TCF7L2: variants seen among roughly 807,000 people sequenced by gnomAD.
The protein encoded by TCF7L2 is transcription factor 7 like 2.
Under a neutral mutation model 77.9 loss-of-function variants are expected in TCF7L2, and 23 were observed. The ratio of observed to expected loss-of-function variants is 0.30; its 90% CI spans 0.21 to 0.42. The LOEUF is 0.42. Among genes scored for constraint, TCF7L2 ranks in the 10% least tolerant of loss-of-function variants. The probability of loss-of-function intolerance (pLI) is 1.00; values close to 1 mark genes in which losing one functional copy is unlikely to be tolerated. For missense variants in TCF7L2, 654 were observed against 793.1 expected, an observed-to-expected ratio of 0.82 and a Z score of 2.11; for synonymous variants, 413 against 340.2, an observed-to-expected ratio of 1.21 and a Z score of -2.36.
chr10:113,148,838 G>A (rs533456198), intron 8 of TCF7L2, among the ~76,000 whole-genome samples: 8 of 152,236 alleles, frequency 5.3e-5, no homozygotes, highest in East Asian at 1.9e-4. Context: ...GGGAATATAC[G>A]CGTAGGTATG....
intron 4 of TCF7L2, among the ~76,000 whole-genome samples, chr10:113,023,858 T>TG (rs1418790100): frequency 7.2e-5 from 11 of 151,894 alleles, no homozygotes; most frequent in African/African-American, 2.7e-4. Flanking sequence ...TTAGTAGAGA[T>TG]GGGGTTTCAC....
At chr10:112,985,974 C>T (rs2041450700) in intron 4 of TCF7L2, among the ~76,000 whole-genome samples, 1 of 152,016 alleles carries the variant, frequency 6.6e-6, no homozygotes, top group African/African-American at 2.4e-5. Context: ...AAATCAAAGT[C>T]ACCCAGAAGC....
chr10:113,029,820 C>T (rs183912920), intron 4 of TCF7L2, among the ~76,000 whole-genome samples: 18 of 152,198 alleles, frequency 1.2e-4, no homozygotes, highest in African/African-American at 2.2e-4. Flanking sequence ...TGAGCCACCG[C>T]GCCAAGCCTC....
intron 4 of TCF7L2, among the ~76,000 whole-genome samples, chr10:112,996,510 C>T (rs989311886): frequency 6.6e-6 from 1 of 152,176 alleles, no homozygotes; most frequent in Non-Finnish European, 1.5e-5. Context: ...CAGGGCCCCC[C>T]TCACCTTGGC....
chr10:113,136,934 T>A (rs896083234), intron 5 of TCF7L2, among the ~76,000 whole-genome samples: 1 of 152,106 alleles, frequency 6.6e-6, no homozygotes, highest in South Asian at 2.1e-4. Context: ...ATCTTTCTGT[T>A]TGGATTCTTT....
chr10:113,117,421 CT>C (rs2063945526), intron 5 of TCF7L2, among the ~76,000 whole-genome samples: 1 of 44,846 alleles, frequency 2.2e-5, no homozygotes, highest in Non-Finnish European at 4.7e-5. Context: ...CTCTCTCTCT[CT>C]CTCTCTCTCT....
intron 11 of TCF7L2, among the ~76,000 whole-genome samples, chr10:113,153,519 TA>T (rs1380334721): frequency 6.6e-6 from 1 of 152,168 alleles, no homozygotes. Flanking sequence ...GCTTGACGTA[TA>T]GGGGTCGAGG....
At chr10:113,109,161 T>C (rs749978671) in intron 5 of TCF7L2, among the ~76,000 whole-genome samples, 1 of 152,210 alleles carries the variant, frequency 6.6e-6, no homozygotes, top group Non-Finnish European at 1.5e-5. Context: ...TTTTCCATCA[T>C]GAACCCCTGC....
rs563132509 is a variant in TCF7L2 at position 113,107,774 on chromosome 10, A to C, written c.553-33410A>C. Among the ~76,000 whole-genome samples, 35 of 149,900 alleles carry C rather than the reference A, an allele frequency of 2.3e-4. No homozygotes were observed. The South Asian group carries it at 2.5e-3, about 11-fold the overall frequency. On this transcript the variant is annotated intron_variant, in intron 5 of 13. Transcript: ENST00000627217. ...GTCTAAAAAAAAAAAAAAAAAAAAA[A>C]AACAACAAAAAAATCAAGGTACATC... is the stretch of plus-strand genomic sequence containing the variant.
chr10:112,961,830 G>A (rs953615056), intron 3 of TCF7L2, among the ~76,000 whole-genome samples: 1 of 151,808 alleles, frequency 6.6e-6, no homozygotes, highest in African/African-American at 2.4e-5. Context: ...TACGTGGCTG[G>A]GGGGTGGGGT....
intron 5 of TCF7L2, chr10:113,130,114 C>A: frequency 2.6e-6 from 2 of 778,794 alleles, no homozygotes; most frequent in Admixed American, 5.1e-5. Context: ...AAGGAAAAAA[C>A]AAAACAAGAA....
intron 4 of TCF7L2, among the ~76,000 whole-genome samples, chr10:113,005,533 C>G (rs2045386928): frequency 6.6e-6 from 1 of 152,202 alleles, no homozygotes; most frequent in African/African-American, 2.4e-5. Context: ...CTCGACAACC[C>G]CTTAGCAGAG....
At chr10:113,100,062 G>C (rs2061464107) in intron 5 of TCF7L2, among the ~76,000 whole-genome samples, 1 of 152,186 alleles carries the variant, frequency 6.6e-6, no homozygotes. Flanking sequence ...GATAGAGTCA[G>C]GTCATCCGTG....
intron 5 of TCF7L2, chr10:113,130,065 A>T: frequency 1.0e-6 from 1 of 1,002,500 alleles, no homozygotes; most frequent in Non-Finnish European, 1.2e-6. Context: ...TTGACCATTA[A>T]ACCTATGCTT....
At chr10:113,091,801 T>A (rs1371444681) in intron 5 of TCF7L2, among the ~76,000 whole-genome samples, 1 of 152,226 alleles carries the variant, frequency 6.6e-6, no homozygotes, top group East Asian at 1.9e-4. Flanking sequence ...GCCACGCCTA[T>A]GTCTTGATTA....
intron 12 of TCF7L2, 121 bp from the exon 13 acceptor site, chr10:113,158,546 C>A: frequency 1.0e-6 from 1 of 960,560 alleles, no homozygotes; most frequent in Non-Finnish European, 1.6e-6. Flanking sequence ...TTGTCATTCT[C>A]TAGAAGAAAT....
chr10:113,043,784 T>C (rs2052919347), intron 5 of TCF7L2, among the ~76,000 whole-genome samples: 1 of 152,172 alleles, frequency 6.6e-6, no homozygotes, highest in South Asian at 2.1e-4. Flanking sequence ...CTCCCTTTTT[T>C]CCTCTTACAA....
chr10:112,972,912 C>T (rs950696607), intron 4 of TCF7L2, among the ~76,000 whole-genome samples: 11 of 152,208 alleles, frequency 7.2e-5, no homozygotes, highest in Non-Finnish European at 4.4e-5. Context: ...AATTAGGATT[C>T]AAACCCAGAC....
intron 5 of TCF7L2, among the ~76,000 whole-genome samples, chr10:113,102,351 A>G (rs556546425): frequency 5.5e-4 from 84 of 151,978 alleles, no homozygotes; most frequent in African/African-American, 2.0e-3. Flanking sequence ...GTAGATTTGA[A>G]TGAATTACAG....
Sources: gnomAD v4.1 joint callset for allele counts (sites outside exome capture counted in the v4.1 genomes callset) on GRCh38, gnomAD v4.1.1 for gene constraint, MANE v1.5 for transcripts, NCBI Gene and HGNC (gene_info 2026-07-23, HGNC 2026-07-21) for gene names.